The following CALD1 variants were observed in gnomAD, a reference collection of about 807,000 sequenced individuals.
CALD1 encodes the protein caldesmon.
Under a neutral mutation model 99.9 loss-of-function variants are expected in CALD1, and 33 were observed. That is an observed-to-expected ratio of 0.33 (90% confidence interval 0.25 to 0.44). The LOEUF is 0.44. CALD1 is among the 20% of genes least tolerant of loss of function. CALD1 has a pLI of 1.00. For missense variants in CALD1, 861 were observed against 962.1 expected, an observed-to-expected ratio of 0.89 and a Z score of 1.39; for synonymous variants, 310 against 325.0, an observed-to-expected ratio of 0.95 and a Z score of 0.50.
chr7:134,715,729 A>T, the CALD1 span, among the ~76,000 whole-genome samples: 1 of 152,222 alleles, frequency 6.6e-6, no homozygotes, highest in African/African-American at 2.4e-5. Context: ...TACAATAAGA[A>T]ATGTATCAAG....
chr7:134,959,847 T>A (rs752104905), intron 11 of CALD1, 127 bp from the exon 12 acceptor site: 9 of 902,880 alleles, frequency 1.0e-5, no homozygotes, highest in Non-Finnish European at 1.4e-5. Context: ...ATTATCACTC[T>A]CATTTTTGGT....
At chr7:134,819,746 C>T (rs896182653) in intron 1 of CALD1, among the ~76,000 whole-genome samples, 7 of 152,134 alleles carry the variant, frequency 4.6e-5, no homozygotes, top group African/African-American at 7.2e-5. Context: ...TGTGATGGCA[C>T]GTGCCTGTGG....
At chr7:134,816,030 T>G (rs1011356416) in intron 1 of CALD1, among the ~76,000 whole-genome samples, 2 of 152,194 alleles carry the variant, frequency 1.3e-5, no homozygotes, top group African/African-American at 4.8e-5. Context: ...CCAGAACATT[T>G]GTTTTGCTCA....
At chr7:134,893,516 C>T (rs182722473) in intron 3 of CALD1, among the ~76,000 whole-genome samples, 23 of 152,220 alleles carry the variant, frequency 1.5e-4, no homozygotes, top group Admixed American at 1.2e-3. Flanking sequence ...GTACCTGATC[C>T]GGTGAAATAA....
At chr7:134,735,565 CTGTG>C in the CALD1 span, among the ~76,000 whole-genome samples, 4,037 of 121,330 alleles carry the variant, frequency 0.033, 174 homozygotes, top group African/African-American at 0.1. Flanking sequence ...CCACTACCCT[CTGTG>C]TGTGTGTGTG....
intron 2 of CALD1, among the ~76,000 whole-genome samples, chr7:134,850,255 T>A (rs1313135058): frequency 6.6e-6 from 1 of 152,216 alleles, no homozygotes; most frequent in Non-Finnish European, 1.5e-5. Context: ...TAGAAGAACA[T>A]AAATCCTTCC....
intron 1 of CALD1, among the ~76,000 whole-genome samples, chr7:134,801,535 T>G (rs1400598101): frequency 6.6e-6 from 1 of 152,236 alleles, no homozygotes. Flanking sequence ...TTACTTTTAA[T>G]TTAGACCTCA....
chr7:134,778,827 T>C (rs1263586384), upstream of CALD1, among the ~76,000 whole-genome samples: 1 of 152,062 alleles, frequency 6.6e-6, no homozygotes, highest in African/African-American at 2.4e-5. Context: ...TCTAGTACTA[T>C]CTCCACATCA....
chr7:134,892,355 T>A (rs1396259408), intron 3 of CALD1, among the ~76,000 whole-genome samples: 2 of 152,212 alleles, frequency 1.3e-5, no homozygotes, highest in Non-Finnish European at 2.9e-5. Flanking sequence ...CAAAGCCATG[T>A]CTTTGTACTC....
chr7:134,919,008 T>C (rs1248820517), intron 3 of CALD1, among the ~76,000 whole-genome samples: 1 of 152,116 alleles, frequency 6.6e-6, no homozygotes, highest in Non-Finnish European at 1.5e-5. Context: ...AATAAGTAAA[T>C]AAATTAATAA....
chr7:134,768,640 T>C (rs1158833869), intron 1 of CALD1, among the ~76,000 whole-genome samples: 1 of 152,106 alleles, frequency 6.6e-6, no homozygotes, highest in Non-Finnish European at 1.5e-5. Flanking sequence ...AGATTGCTAG[T>C]TCTCTGGGGG....
At chr7:134,799,754 T>C (rs1372100547) in intron 1 of CALD1, among the ~76,000 whole-genome samples, 1 of 152,178 alleles carries the variant, frequency 6.6e-6, no homozygotes, top group African/African-American at 2.4e-5. Context: ...CCGTTTGACA[T>C]TCATAAAAGA....
At chr7:134,913,379 G>A (rs1191935802) in intron 3 of CALD1, among the ~76,000 whole-genome samples, 1 of 152,148 alleles carries the variant, frequency 6.6e-6, no homozygotes, top group East Asian at 1.9e-4. Context: ...CAGCCAAGAT[G>A]TTTCAAAAAT....
intron 3 of CALD1, among the ~76,000 whole-genome samples, chr7:134,910,652 T>TACACACAC (rs146858263): frequency 6.7e-6 from 1 of 149,422 alleles, no homozygotes; most frequent in African/African-American, 2.4e-5. Context: ...TGCACACACG[T>TACACACAC]ACACACACAC....
intron 2 of CALD1, among the ~76,000 whole-genome samples, chr7:134,845,019 C>T (rs149494857): frequency 8.2e-4 from 125 of 152,318 alleles, no homozygotes; most frequent in African/African-American, 2.7e-3. Context: ...CATAATGCTG[C>T]CACCATCATT....
upstream of CALD1, among the ~76,000 whole-genome samples, chr7:134,779,071 A>G (rs3807337): frequency 0.37 from 55,849 of 152,030 alleles, 11,718 homozygotes; most frequent in East Asian, 0.5. Flanking sequence ...TGTCTCCTTC[A>G]GGTTTTAGAA....
intron 13 of CALD1, among the ~76,000 whole-genome samples, chr7:134,963,142 C>T (rs894324467): frequency 2.0e-5 from 3 of 152,070 alleles, no homozygotes; most frequent in Non-Finnish European, 4.4e-5. Context: ...ATAAACAAAG[C>T]GATAATAGCT....
chr7:134,787,423 T>C (rs1283822751), intron 1 of CALD1, among the ~76,000 whole-genome samples: 1 of 152,216 alleles, frequency 6.6e-6, no homozygotes, highest in African/African-American at 2.4e-5. Context: ...TAGGAGGTTT[T>C]GAGCAGATAT....
Position 134,958,256 on chromosome 7 carries a change from A to G in CALD1, c.2027A>G (p.Asp676Gly). The G allele has an allele frequency of 6.2e-7, 1 of 1,614,058 alleles. No individual in the cohort carries two copies. The highest frequency in any genetic ancestry group is 1.1e-5 in the South Asian group (1 of 91,084). ...THQAAIVSKIDSRLEQYTSAI... is the reference protein window; with the variant it reads ...THQAAIVSKIGSRLEQYTSAI... ...CAAGCAGCAATAGTCTCCAAGATTG[A>G]CAGCAGACTGGAGCAGTATACCAGT... The change falls in exon 11 of 15, where the codon GAC becomes GGC. Residue 676 changes from aspartate (D) to glycine (G), a missense_variant. This residue lies in a region of CALD1 where 190 missense variants were observed against 249.0 expected (regional missense o/e 0.76). Coordinates refer to ENST00000361675, the MANE Select transcript of CALD1 (RefSeq NM_033138.4).
Sources: allele counts gnomAD v4.1 joint callset (sites outside exome capture counted in the v4.1 genomes callset), GRCh38; gene constraint gnomAD v4.1.1; regional missense constraint gnomAD v4.1.1; transcripts MANE v1.5; gene names NCBI Gene and HGNC (gene_info 2026-07-23, HGNC 2026-07-21).